NKAIN2: variants seen among roughly 807,000 people sequenced by gnomAD.
NKAIN2 encodes sodium/potassium-transporting ATPase subunit beta-1-interacting protein 2.
NKAIN2 carries 14 observed loss-of-function variants against 32.6 expected under a neutral mutation model. The observed-to-expected ratio is 0.43, with a 90% CI of 0.28 to 0.67. The LOEUF is 0.67. Among genes scored for constraint, NKAIN2 ranks in the 30% least tolerant of loss-of-function variants. NKAIN2 has a pLI of 0.17. For synonymous variants in NKAIN2, 80 were observed against 87.2 expected, an observed-to-expected ratio of 0.92 and a Z score of 0.46; for missense variants, 198 against 258.3, an observed-to-expected ratio of 0.77 and a Z score of 1.60.
intron 3 of NKAIN2, among the ~76,000 whole-genome samples, chr6:124,487,551 C>T (rs532102727): frequency 2.0e-5 from 3 of 152,198 alleles, no homozygotes; most frequent in South Asian, 4.1e-4. Context: ...ATAAGGAATA[C>T]GCATTTGAAT....
chr6:124,419,214 C>T (rs564663400), intron 3 of NKAIN2, among the ~76,000 whole-genome samples: 1 of 152,208 alleles, frequency 6.6e-6, no homozygotes, highest in East Asian at 1.9e-4. Context: ...AGTCTTGTTT[C>T]TCTTTCTCCT....
At chr6:124,649,894 T>C (rs1784306441) in intron 3 of NKAIN2, among the ~76,000 whole-genome samples, 1 of 152,172 alleles carries the variant, frequency 6.6e-6, no homozygotes, top group Non-Finnish European at 1.5e-5. Context: ...TATCAATAGA[T>C]GTACCTCACA....
intron 5 of NKAIN2, among the ~76,000 whole-genome samples, chr6:124,810,084 A>G (rs1480691987): frequency 2.6e-5 from 4 of 152,158 alleles, no homozygotes; most frequent in African/African-American, 4.8e-5. Context: ...GCGATTCCTC[A>G]GGGATCTAGA....
chr6:124,514,219 G>A (rs576127967), intron 3 of NKAIN2, among the ~76,000 whole-genome samples: 2 of 152,056 alleles, frequency 1.3e-5, no homozygotes, highest in African/African-American at 2.4e-5. Flanking sequence ...AGTTATTCTC[G>A]ACCTGGGCCA....
At chr6:123,958,570 G>C (rs1777703081) in intron 1 of NKAIN2, among the ~76,000 whole-genome samples, 1 of 152,222 alleles carries the variant, frequency 6.6e-6, no homozygotes, top group Admixed American at 6.5e-5. Flanking sequence ...TGAGGGGTCT[G>C]GCCTCATGGC....
chr6:124,758,603 A>G (rs1429695350), intron 4 of NKAIN2, among the ~76,000 whole-genome samples: 22 of 152,182 alleles, frequency 1.4e-4, no homozygotes, highest in Admixed American at 1.4e-3. Flanking sequence ...GTTAGGCCGC[A>G]GTTCCCACCT....
At chr6:124,123,801 G>A (rs1786012510) in intron 1 of NKAIN2, among the ~76,000 whole-genome samples, 1 of 151,978 alleles carries the variant, frequency 6.6e-6, no homozygotes, top group Non-Finnish European at 1.5e-5. Flanking sequence ...CTATATAGTT[G>A]GATGACTCAG....
chr6:124,327,836 G>T (rs1165990646), intron 2 of NKAIN2, among the ~76,000 whole-genome samples: 2 of 152,030 alleles, frequency 1.3e-5, no homozygotes, highest in African/African-American at 2.4e-5. Context: ...ATTACTCTGG[G>T]CCACATTACA....
chr6:124,475,936 A>T (rs967563584), intron 3 of NKAIN2, among the ~76,000 whole-genome samples: 7 of 152,102 alleles, frequency 4.6e-5, no homozygotes, highest in African/African-American at 1.7e-4. Flanking sequence ...TTTGTGTGGT[A>T]GCTTTTTCTA....
At chr6:124,181,337 T>A (rs1353005403) in intron 1 of NKAIN2, among the ~76,000 whole-genome samples, 4 of 152,152 alleles carry the variant, frequency 2.6e-5, no homozygotes, top group African/African-American at 9.7e-5. Flanking sequence ...CATGAAGACC[T>A]ATGACATGCC....
intron 1 of NKAIN2, among the ~76,000 whole-genome samples, chr6:124,020,748 G>A (rs1003821332): frequency 2.6e-5 from 4 of 151,942 alleles, no homozygotes; most frequent in East Asian, 1.9e-4. Context: ...CTGAGGCACC[G>A]AATTTAGGTT....
rs558130479 is a variant in NKAIN2 at position 124,562,237 on chromosome 6, G to A, written c.274-95949G>A. Among the ~76,000 whole-genome samples the A allele has an allele frequency of 2.6e-5, 4 of 152,258 alleles. No individual in the cohort carries two copies. The South Asian group carries it at 8.3e-4, about 32-fold the overall frequency. ...AGAGAAATTTACCATTGTAAAAAGA[G>A]TAAAAAGGTTTCTTCCTCCACACTA... is the stretch of plus-strand genomic sequence containing the variant. On this transcript the variant is annotated intron_variant, in intron 3 of 6. Coordinates refer to ENST00000368417, the MANE Select transcript of NKAIN2 (RefSeq NM_001040214.3).
At chr6:124,145,630 C>T (rs1316843576) in intron 1 of NKAIN2, among the ~76,000 whole-genome samples, 3 of 152,122 alleles carry the variant, frequency 2.0e-5, no homozygotes, top group East Asian at 1.9e-4. Flanking sequence ...CTCAGCCTCC[C>T]GAGTAGCTTG....
At position 124,792,824 on chromosome 6, in the gene NKAIN2, T is replaced by C. The variant is rs562882312; in HGVS notation, c.535+1425T>C. Among the ~76,000 whole-genome samples, 15 of 151,764 alleles carry C rather than the reference T, an allele frequency of 9.9e-5. No homozygotes were observed. In the East Asian group the frequency reaches 2.7e-3, roughly 28 times the overall value. On this transcript the variant is annotated intron_variant, in intron 5 of 6. Coordinates refer to ENST00000368417, the MANE Select transcript of NKAIN2 (RefSeq NM_001040214.3). ...GCTACAGGTAGACAGCTGGAGAAAA[T>C]TGGAAAAACAAGTATGGGTGAGATA... is the stretch of plus-strand genomic sequence containing the variant.
intron 1 of NKAIN2, among the ~76,000 whole-genome samples, chr6:123,824,452 G>A (rs376697843): frequency 2.0e-5 from 3 of 152,156 alleles, no homozygotes; most frequent in Non-Finnish European, 1.5e-5. Context: ...GCAAAAACCC[G>A]TCTAGCTACA....
At chr6:124,713,188 C>T (rs1775586397) in intron 4 of NKAIN2, among the ~76,000 whole-genome samples, 1 of 152,100 alleles carries the variant, frequency 6.6e-6, no homozygotes, top group Non-Finnish European at 1.5e-5. Context: ...ATTATGCTTC[C>T]TGTTACATAG....
intron 3 of NKAIN2, among the ~76,000 whole-genome samples, chr6:124,394,937 C>T (rs1773311695): frequency 6.6e-6 from 1 of 152,028 alleles, no homozygotes; most frequent in African/African-American, 2.4e-5. Flanking sequence ...CTTTTCTTGG[C>T]CATGCGGTGA....
At chr6:124,500,693 TA>T (rs1485271603) in intron 3 of NKAIN2, among the ~76,000 whole-genome samples, 9 of 150,980 alleles carry the variant, frequency 6.0e-5, no homozygotes, top group African/African-American at 2.2e-4. Flanking sequence ...AATAATAAAA[TA>T]AATAAAATAA....
chr6:124,601,618 A>C (rs1782310908), intron 3 of NKAIN2, among the ~76,000 whole-genome samples: 1 of 152,042 alleles, frequency 6.6e-6, no homozygotes, highest in African/African-American at 2.4e-5. Context: ...TTGTGTCTGA[A>C]GAGTGCCTTA....
Sources: gnomAD v4.1 joint callset for allele counts (sites outside exome capture counted in the v4.1 genomes callset) on GRCh38, gnomAD v4.1.1 for gene constraint, MANE v1.5 for transcripts, NCBI Gene and HGNC (gene_info 2026-07-23, HGNC 2026-07-21) for gene names.